TANC2: variants seen among roughly 807,000 people sequenced by gnomAD.
The protein encoded by TANC2 is protein TANC2.
In TANC2, 26 loss-of-function variants were observed where a neutral mutation model predicts 210.5. That is an observed-to-expected ratio of 0.12 (90% confidence interval 0.09 to 0.17). The LOEUF is 0.17. TANC2 is among the 10% of genes least tolerant of loss of function. TANC2 has a pLI of 1.00. For missense variants in TANC2, 2,129 were observed against 2,608.9 expected (o/e 0.82, Z 4.01); for synonymous variants, 931 against 967.1 (o/e 0.96, Z 0.69).
intron 8 of TANC2, among the ~76,000 whole-genome samples, chr17:63,251,555 G>A (rs1167889824): frequency 6.6e-6 from 1 of 152,002 alleles, no homozygotes; most frequent in African/African-American, 2.4e-5. Flanking sequence ...AACTAAAAGA[G>A]GACTAGGGAC....
At chr17:63,370,182 CTTTTTTTTTT>C (rs568393678) in intron 14 of TANC2, among the ~76,000 whole-genome samples, 1 of 131,148 alleles carries the variant, frequency 7.6e-6, no homozygotes, top group Non-Finnish European at 1.7e-5. Context: ...CTTTTTTTTT[CTTTTTTTTTT>C]TTTTGAGACA....
intron 15 of TANC2, among the ~76,000 whole-genome samples, chr17:63,380,605 G>A (rs757468553): frequency 3.3e-5 from 5 of 152,234 alleles, no homozygotes; most frequent in Non-Finnish European, 7.3e-5. Context: ...CAGTCTGAGA[G>A]TTCCAATCCC....
intron 11 of TANC2, chr17:63,332,508 G>C: frequency 2.5e-6 from 1 of 401,290 alleles, no homozygotes; most frequent in Non-Finnish European, 4.9e-6. Context: ...TTTGCAATCA[G>C]CCCCACTGGA....
At chr17:63,141,247 A>C (rs894761833) in intron 4 of TANC2, among the ~76,000 whole-genome samples, 6 of 151,026 alleles carry the variant, frequency 4.0e-5, no homozygotes, top group African/African-American at 1.5e-4. Context: ...AATTTAAATA[A>C]AAGTATAAAA....
At chr17:63,250,690 CTA>C (rs1484747001) in intron 8 of TANC2, among the ~76,000 whole-genome samples, 1 of 152,194 alleles carries the variant, frequency 6.6e-6, no homozygotes, top group East Asian at 1.9e-4. Context: ...TGAGCAGGTA[CTA>C]TATGCCAGGC....
intron 1 of TANC2, among the ~76,000 whole-genome samples, chr17:62,977,464 A>G (rs2032070949): frequency 6.6e-6 from 1 of 152,184 alleles, no homozygotes; most frequent in African/African-American, 2.4e-5. Context: ...GATTGTTTTG[A>G]ATTTTAAAAT....
intron 3 of TANC2, among the ~76,000 whole-genome samples, chr17:63,083,712 C>G (rs2036859433): frequency 6.6e-6 from 1 of 152,158 alleles, no homozygotes; most frequent in South Asian, 2.1e-4. Context: ...TGGATATTGT[C>G]AAATGCTTTT....
Position 63,156,382 on chromosome 17 carries a change from A to G in TANC2, c.433+5002A>G, listed in dbSNP as rs571585458. 2.3e-4 allele frequency among the ~76,000 whole-genome samples: 35 copies of G among 152,092 alleles called. No individual in the cohort carries two copies. In the South Asian group the frequency reaches 3.7e-3, roughly 16 times the overall value. ...GTTGGTAACCTCCCTTGCACCAAAT[A>G]AAAAGAAAGAAGAAATGCTATTGTA... On this transcript the variant is annotated intron_variant, in intron 5 of 27. Transcript: ENST00000689528.
chr17:62,969,061 C>T (rs1041982452), intron 1 of TANC2, among the ~76,000 whole-genome samples: 2 of 152,020 alleles, frequency 1.3e-5, no homozygotes, highest in Non-Finnish European at 2.9e-5. Flanking sequence ...GTTTTTGCAT[C>T]CCATGAATAC....
At chr17:63,206,090 A>T (rs1465698444) in intron 7 of TANC2, among the ~76,000 whole-genome samples, 2 of 152,228 alleles carry the variant, frequency 1.3e-5, no homozygotes, top group African/African-American at 4.8e-5. Flanking sequence ...CAATAGACAC[A>T]TGAAAAGATA....
At chr17:63,144,083 T>C (rs955744847) in intron 4 of TANC2, among the ~76,000 whole-genome samples, 3 of 152,198 alleles carry the variant, frequency 2.0e-5, no homozygotes, top group Admixed American at 6.5e-5. Context: ...CTCTGTATTC[T>C]TTATGGTATA....
At chr17:63,339,435 G>C (rs1300976152) in intron 11 of TANC2, among the ~76,000 whole-genome samples, 1 of 152,118 alleles carries the variant, frequency 6.6e-6, no homozygotes, top group Admixed American at 6.5e-5. Flanking sequence ...CCCAGACCCT[G>C]GATGGTATTA....
At chr17:63,171,335 C>T (rs578262329) in intron 5 of TANC2, among the ~76,000 whole-genome samples, 5 of 152,018 alleles carry the variant, frequency 3.3e-5, no homozygotes, top group South Asian at 2.1e-4. Context: ...CGCCTGCCTC[C>T]GCCTCCCAAA....
At chr17:63,109,268 C>T (rs2037942687) in intron 4 of TANC2, among the ~76,000 whole-genome samples, 1 of 151,494 alleles carries the variant, frequency 6.6e-6, no homozygotes, top group Non-Finnish European at 1.5e-5. Context: ...AGCCAGTTTC[C>T]TTGAAAAGAC....
At chr17:63,308,891 A>C (rs2045018327) in intron 9 of TANC2, among the ~76,000 whole-genome samples, 1 of 152,180 alleles carries the variant, frequency 6.6e-6, no homozygotes, top group South Asian at 2.1e-4. Context: ...TTTTTTTAAA[A>C]AAATTATAAT....
rs1388443953 is a variant in TANC2 at position 62,966,523 on chromosome 17, A to G, written c.-250A>G. Among the ~76,000 whole-genome samples, 3 of 149,668 alleles carry G rather than the reference A, an allele frequency of 2.0e-5. No homozygotes were observed. The highest frequency in any genetic ancestry group is 2.0e-4 in the Admixed American group (3 of 15,052). On this transcript the variant is annotated 5_prime_UTR_variant, in exon 1 of 28. Coordinates refer to ENST00000689528, the Ensembl canonical transcript of TANC2. The surrounding 1 kb of genome is among the most constrained non-coding windows in gnomAD (Gnocchi z 5.1). ...CGCCGCCGAGCCGAGCCGAGGGGCG[A>G]GAGCTGGCCCCCGAGCCGCCGCTGA...
chr17:63,210,454 A>G (rs918161687), intron 7 of TANC2, among the ~76,000 whole-genome samples: 5 of 152,164 alleles, frequency 3.3e-5, no homozygotes, highest in African/African-American at 4.8e-5. Flanking sequence ...TATGAGACTC[A>G]TTGCCAATAA....
chr17:63,317,871 C>T (rs1007402462), intron 10 of TANC2, among the ~76,000 whole-genome samples: 1 of 152,124 alleles, frequency 6.6e-6, no homozygotes, highest in African/African-American at 2.4e-5. Flanking sequence ...CAGTAATTAC[C>T]CACAAAATCA....
chr17:62,998,139 C>T (rs974918344), intron 1 of TANC2, among the ~76,000 whole-genome samples: 2 of 152,144 alleles, frequency 1.3e-5, no homozygotes, highest in African/African-American at 2.4e-5. Context: ...CAAATATTAA[C>T]AGCAGAATCA....
Sources: gnomAD v4.1 joint callset for allele counts (sites outside exome capture counted in the v4.1 genomes callset) on GRCh38, gnomAD v4.1.1 for gene constraint, Gnocchi (gnomAD v3.1) non-coding constraint, MANE v1.5 for transcripts, NCBI Gene and HGNC (gene_info 2026-07-23, HGNC 2026-07-21) for gene names.